Variants in CLSTN2 observed in about 807,000 individuals in gnomAD.
The protein encoded by CLSTN2 is calsyntenin 2, also known as calsyntenin-2.
Under a neutral mutation model 101.2 loss-of-function variants are expected in CLSTN2, and 48 were observed. The ratio of observed to expected loss-of-function variants is 0.47; its 90% CI spans 0.38 to 0.60. The LOEUF is 0.60. Ranked by LOEUF, CLSTN2 falls within the 20% of genes least tolerant of loss-of-function variation. The pLI, the probability that CLSTN2 is intolerant of heterozygous loss-of-function variation, is 0.00. For synonymous variants in CLSTN2, 481 were observed against 463.6 expected, an observed-to-expected ratio of 1.04 and a Z score of -0.48; for missense variants, 1,160 against 1,238.2, an observed-to-expected ratio of 0.94 and a Z score of 0.95.
At chr3:139,961,650 T>C (rs59235133) in intron 1 of CLSTN2, among the ~76,000 whole-genome samples, 4,944 of 152,288 alleles carry the variant, frequency 0.032, 300 homozygotes, top group African/African-American at 0.11. Context: ...AGAAATGCAA[T>C]CTGTTTTTTT....
chr3:140,296,648 T>C (rs1422014855), intron 2 of CLSTN2, among the ~76,000 whole-genome samples: 3 of 152,270 alleles, frequency 2.0e-5, no homozygotes. Flanking sequence ...TTGTTCATTA[T>C]ATACAACGCA....
chr3:139,960,998 T>C (rs1164796358), intron 1 of CLSTN2, among the ~76,000 whole-genome samples: 1 of 152,232 alleles, frequency 6.6e-6, no homozygotes, highest in African/African-American at 2.4e-5. Context: ...GCTAACCCTT[T>C]CATCTAGAAA....
rs534993224 is a variant in CLSTN2 at position 140,567,507 on chromosome 3, AG to A, written c.*1256del. Reference sequence around the variant, plus strand: ...ACCTAATTTCTTTCTTTTTTTGATAAGGAAATCTTTTCCATCTCCATCCTAA... The same window carrying A: ...ACCTAATTTCTTTCTTTTTTTGATAAGAAATCTTTTCCATCTCCATCCTAA... On this transcript the variant is annotated 3_prime_UTR_variant, in exon 17 of 17. Coordinates refer to ENST00000458420, the MANE Select transcript of CLSTN2 (RefSeq NM_022131.3). 3 of 152,206 alleles carry A rather than the reference AG, an allele frequency of 2.0e-5. No homozygotes were observed. The South Asian group carries it at 6.2e-4, about 32-fold the overall frequency. The allele number at this position is 152,206 out of a possible 1,614,324, so 9.4% of individuals were successfully genotyped here.
intron 8 of CLSTN2, among the ~76,000 whole-genome samples, chr3:140,517,522 G>A (rs759165072): frequency 1.2e-4 from 19 of 152,108 alleles, no homozygotes; most frequent in Non-Finnish European, 2.6e-4. Context: ...TCCTTGATGT[G>A]GAACTTTCCC....
chr3:140,327,820 ATAATTCAGTGTAGCATAATTTCTAAC>A (rs2087346253), intron 2 of CLSTN2, among the ~76,000 whole-genome samples: 1 of 152,360 alleles, frequency 6.6e-6, no homozygotes, highest in African/African-American at 2.4e-5. Context: ...TAGGATCTGA[ATAATTCAGTGTAGCATAATTTCTAAC>A]TAGTTGTCAG....
At chr3:140,474,932 T>G (rs1164431458) in intron 8 of CLSTN2, among the ~76,000 whole-genome samples, 1 of 152,174 alleles carries the variant, frequency 6.6e-6, no homozygotes, top group Non-Finnish European at 1.5e-5. Context: ...CTGCACTTTC[T>G]CAGGGGCCTC....
In CLSTN2 at chr3:140,481,007, A is replaced by G. The variant is rs1475669332; in HGVS notation, c.1344+14276A>G. 2.0e-5 allele frequency among the ~76,000 whole-genome samples: 3 copies of G among 152,334 alleles called. No individual in the cohort carries two copies. In the East Asian group the frequency reaches 5.8e-4, roughly 29 times the overall value. ...TGCCATTGCTTTTGGTGTTTTAGACATGAAGTCCTTGCCCATGCCTATGTC... is the reference window on the plus strand; with the variant it reads ...TGCCATTGCTTTTGGTGTTTTAGACGTGAAGTCCTTGCCCATGCCTATGTC... On this transcript the variant is annotated intron_variant, in intron 8 of 16. Coordinates refer to ENST00000458420, the MANE Select transcript of CLSTN2 (RefSeq NM_022131.3).
chr3:140,439,753 GCA>G (rs10607498), intron 5 of CLSTN2, among the ~76,000 whole-genome samples: 89,935 of 151,366 alleles, frequency 0.59, 27,109 homozygotes, highest in South Asian at 0.72. Context: ...GCACACACAC[GCA>G]CACACACACA....
At chr3:139,973,208 C>T (rs930125823) in intron 1 of CLSTN2, among the ~76,000 whole-genome samples, 36 of 152,322 alleles carry the variant, frequency 2.4e-4, no homozygotes, top group Admixed American at 2.0e-3. Flanking sequence ...TGAACCATCC[C>T]CACATTTCTG....
At chr3:140,498,898 GAC>G (rs1934518454) in intron 8 of CLSTN2, among the ~76,000 whole-genome samples, 1 of 151,408 alleles carries the variant, frequency 6.6e-6, no homozygotes, top group East Asian at 1.9e-4. Flanking sequence ...ATTGTACAAA[GAC>G]AGCATGCCTT....
chr3:140,121,991 A>T (rs2009348450), intron 1 of CLSTN2, among the ~76,000 whole-genome samples: 1 of 152,186 alleles, frequency 6.6e-6, no homozygotes, highest in South Asian at 2.1e-4. Flanking sequence ...TTTGAAGTTG[A>T]CATCAGTAAT....
chr3:140,237,751 T>C (rs918935846), intron 2 of CLSTN2, among the ~76,000 whole-genome samples: 6 of 152,156 alleles, frequency 3.9e-5, no homozygotes, highest in Admixed American at 2.0e-4. Context: ...ATTTTTGCAG[T>C]GTTCTGTTTT....
At position 140,134,157 on chromosome 3, in the gene CLSTN2, G is replaced by T. The variant is rs552269076; in HGVS notation, c.110-41794G>T. On this transcript the variant is annotated intron_variant, in intron 1 of 16. Coordinates refer to ENST00000458420, the MANE Select transcript of CLSTN2 (RefSeq NM_022131.3). Reference sequence around the variant, plus strand: ...CCTGGCTTGGAGTCCCAATTCCATCGTTTACTTGTGGGATCTCCTCTAAAT... The same window carrying T: ...CCTGGCTTGGAGTCCCAATTCCATCTTTTACTTGTGGGATCTCCTCTAAAT... Among the ~76,000 whole-genome samples the T allele has an allele frequency of 2.0e-5, 3 of 152,232 alleles. No homozygotes were observed. The Middle Eastern group carries it at 0.01, about 518-fold the overall frequency.
At chr3:140,216,369 C>T (rs774490386) in intron 2 of CLSTN2, among the ~76,000 whole-genome samples, 1 of 152,146 alleles carries the variant, frequency 6.6e-6, no homozygotes, top group Non-Finnish European at 1.5e-5. Flanking sequence ...TGAGGAAGTA[C>T]AGCACTAACG....
At chr3:140,332,505 T>A (rs2087393800) in intron 2 of CLSTN2, among the ~76,000 whole-genome samples, 1 of 152,198 alleles carries the variant, frequency 6.6e-6, no homozygotes, top group South Asian at 2.1e-4. Flanking sequence ...TTACCTGTTT[T>A]TTTATATGGA....
At chr3:140,279,234 T>TAG (rs2086823458) in intron 2 of CLSTN2, among the ~76,000 whole-genome samples, 1 of 152,144 alleles carries the variant, frequency 6.6e-6, no homozygotes, top group Non-Finnish European at 1.5e-5. Context: ...CTTGTGAAGA[T>TAG]AGAGAAAAGC....
At chr3:140,345,832 C>T (rs1318387813) in intron 2 of CLSTN2, among the ~76,000 whole-genome samples, 1 of 152,056 alleles carries the variant, frequency 6.6e-6, no homozygotes, top group East Asian at 1.9e-4. Flanking sequence ...ATATGTTTGC[C>T]GGATGGTACT....
At chr3:140,271,099 C>T (rs1576493549) in intron 2 of CLSTN2, among the ~76,000 whole-genome samples, 2 of 152,124 alleles carry the variant, frequency 1.3e-5, no homozygotes, top group Admixed American at 6.6e-5. Context: ...TGCACTGGCT[C>T]ACCAAACAGC....
chr3:140,496,678 G>A (rs939053062), intron 8 of CLSTN2, among the ~76,000 whole-genome samples: 1 of 152,182 alleles, frequency 6.6e-6, no homozygotes, highest in Non-Finnish European at 1.5e-5. Flanking sequence ...ATGAAGGGAT[G>A]TTGAATTTTA....
Sources: allele counts gnomAD v4.1 joint callset (sites outside exome capture counted in the v4.1 genomes callset), GRCh38; gene constraint gnomAD v4.1.1; transcripts MANE v1.5; gene names NCBI Gene and HGNC (gene_info 2026-07-23, HGNC 2026-07-21).